The following PACRGL variants were observed in gnomAD, a reference collection of about 807,000 sequenced individuals.
The protein encoded by PACRGL is PACRG-like protein.
In PACRGL, 38 loss-of-function variants were observed where a neutral mutation model predicts 34.5. That is an observed-to-expected ratio of 1.10 (90% CI 0.85 to 1.44). The LOEUF (loss-of-function observed/expected upper bound fraction) is 1.44. PACRGL is among the 40% of genes most tolerant of loss of function. The pLI is 0.00. For missense variants in PACRGL, 305 were observed against 281.4 expected, an observed-to-expected ratio of 1.08 and a Z score of -0.60; for synonymous variants, 128 against 100.1, an observed-to-expected ratio of 1.28 and a Z score of -1.66.
At chr4:20,717,778 G>C (rs1275852523) in intron 7 of PACRGL, among the ~76,000 whole-genome samples, 1 of 152,148 alleles carries the variant, frequency 6.6e-6, no homozygotes, top group Non-Finnish European at 1.5e-5. Context: ...GATGCCTCCA[G>C]CTTTGTTCTT....
At chr4:20,734,756 A>T (rs1014206894), downstream of PACRGL, 1 of 1,390,842 alleles carries the variant, frequency 7.2e-7, no homozygotes. Context: ...ATAAAAATTC[A>T]ATTTTATATG....
intron 8 of PACRGL, among the ~76,000 whole-genome samples, chr4:20,748,535 C>A (rs1752856419): frequency 7.1e-6 from 1 of 141,558 alleles, no homozygotes; most frequent in Admixed American, 7.3e-5. Context: ...TCCTCACTTC[C>A]AAAAATAAAT....
chr4:20,760,981 C>A, the PACRGL span, among the ~76,000 whole-genome samples: 3 of 152,262 alleles, frequency 2.0e-5, no homozygotes, highest in African/African-American at 7.2e-5. Flanking sequence ...TACATTGATG[C>A]AAAATTGCGG....
In PACRGL at chr4:20,731,241, A is replaced by T; in HGVS notation, c.*3900A>T. 3 of 285,636 alleles carry T rather than the reference A, an allele frequency of 1.1e-5. No homozygotes were observed. The highest frequency in any genetic ancestry group is 1.6e-5 in the Non-Finnish European group (3 of 190,800). 17.7% of individuals were successfully genotyped at this position (285,636 alleles called of 1,614,324 possible). On this transcript the variant is annotated 3_prime_UTR_variant, in exon 9 of 9. Coordinates refer to ENST00000503585, the MANE Select transcript of PACRGL (RefSeq NM_001258345.3). ...CGTGCCACCGTGCCCAGCTAACTTA[A>T]TTTTTTTTTGTAGAGATAGATAGGG...
chr4:20,747,551 A>G (rs1445785880), intron 8 of PACRGL, among the ~76,000 whole-genome samples: 1 of 151,906 alleles, frequency 6.6e-6, no homozygotes, highest in Non-Finnish European at 1.5e-5. Context: ...TCCCCCAACC[A>G]TCTCCTCTCC....
chr4:20,738,117 A>C (rs896739466), intron 8 of PACRGL, among the ~76,000 whole-genome samples: 25 of 151,636 alleles, frequency 1.6e-4, no homozygotes, highest in African/African-American at 5.1e-4. Flanking sequence ...ATGACAGACC[A>C]AGACTCTGTC....
downstream of PACRGL, among the ~76,000 whole-genome samples, chr4:20,756,345 C>T (rs865836028): frequency 1.3e-5 from 2 of 152,120 alleles, no homozygotes; most frequent in African/African-American, 4.8e-5. Flanking sequence ...TTCATGGACT[C>T]CACTATCCCA....
intron 8 of PACRGL, among the ~76,000 whole-genome samples, chr4:20,751,702 A>C (rs1753671696): frequency 6.6e-6 from 1 of 152,196 alleles, no homozygotes; most frequent in Non-Finnish European, 1.5e-5. Flanking sequence ...ATCAAAAAGA[A>C]AAAAGATAAC....
At chr4:20,722,940 A>G (rs112251681) in intron 7 of PACRGL, among the ~76,000 whole-genome samples, 7 of 152,132 alleles carry the variant, frequency 4.6e-5, no homozygotes, top group African/African-American at 1.4e-4. Context: ...TTTTTCTTGG[A>G]TACATCCATA....
chr4:20,734,741 A>G (rs765053167), downstream of PACRGL: 5 of 1,501,374 alleles, frequency 3.3e-6, no homozygotes, highest in South Asian at 2.4e-5. Context: ...AAATCCTGAA[A>G]AGAAATAAAA....
At chr4:20,761,741 AACTG>A in the PACRGL span, among the ~76,000 whole-genome samples, 9 of 152,326 alleles carry the variant, frequency 5.9e-5, no homozygotes, top group South Asian at 4.1e-4. Flanking sequence ...TGAATTTGTA[AACTG>A]ACTATCTGAT....
At chr4:20,722,528 G>A (rs377717865) in intron 7 of PACRGL, among the ~76,000 whole-genome samples, 2 of 152,352 alleles carry the variant, frequency 1.3e-5, no homozygotes, top group South Asian at 4.1e-4. Context: ...CGTGCATGGA[G>A]TATTGCCAAC....
At chr4:20,709,615 G>A (rs1348711215) in intron 4 of PACRGL, 68 bp from the exon 5 acceptor site, 1 of 1,020,626 alleles carries the variant, frequency 9.8e-7, no homozygotes, top group Non-Finnish European at 1.5e-6. Context: ...TATACTGTAT[G>A]TTAGATTATC....
rs184721272 is a variant in PACRGL at position 20,722,266 on chromosome 4, C to T, written c.610-2542C>T. ...GGAAAGGGAATTCCCTGATCCCTTG[C>T]GCTTCCCGGGTGAGGCGATGCCTCG... On this transcript the variant is annotated intron_variant, in intron 7 of 8. Coordinates refer to ENST00000503585, the MANE Select transcript of PACRGL (RefSeq NM_001258345.3). Among the ~76,000 whole-genome samples the T allele has an allele frequency of 3.2e-3, 481 of 152,360 alleles. 2 individuals are homozygous for T. The highest frequency in any genetic ancestry group is 0.011 in the African/African-American group (454 of 41,592).
chr4:20,730,170 T>A lies in PACRGL; in HGVS notation c.*2829T>A, dbSNP rs1747641554. On this transcript the variant is annotated 3_prime_UTR_variant, in exon 9 of 9. Transcript: ENST00000503585. ...ACAGAGCGATTAAATTCAGCATATCTGCAAGGAAAAGTACACTATTTTGCC... is the reference window on the plus strand; with the variant it reads ...ACAGAGCGATTAAATTCAGCATATCAGCAAGGAAAAGTACACTATTTTGCC... 6.3e-7 allele frequency: 1 copy of A among 1,582,232 alleles called. No individual in the cohort carries two copies. Among genetic ancestry groups the A allele is most frequent in the African/African-American group, 1.4e-5 (1 of 73,940 alleles).
upstream of PACRGL, among the ~76,000 whole-genome samples, chr4:20,697,600 A>G (rs1731295854): frequency 6.6e-6 from 1 of 152,226 alleles, no homozygotes; most frequent in African/African-American, 2.4e-5. Context: ...TTTTGTGCCT[A>G]GAACTGAAGT....
chr4:20,700,459 T>G lies in PACRGL; in HGVS notation c.-345T>G, dbSNP rs1305647206. On this transcript the variant is annotated 5_prime_UTR_variant, in exon 1 of 9. Transcript: ENST00000503585. ...CAGGGGCGGGCCGCGCGGAGCCTCA[T>G]TTCCCCAAACGCAGGCGCTCGGTGG... 6.6e-6 allele frequency: 1 copy of G among 152,138 alleles called. No individual in the cohort carries two copies. The highest frequency in any genetic ancestry group is 1.5e-5 in the Non-Finnish European group (1 of 68,068). The allele number at this position is 152,138 out of a possible 1,614,324, so 9.4% of individuals were successfully genotyped here. A position where few individuals can be genotyped will look rare whatever the true frequency, so the allele number is the denominator to read the frequency against.
rs192707982 is a variant in PACRGL at position 20,752,360 on chromosome 4, T to C, written c.*57-205T>C. 2.3e-3 allele frequency among the ~76,000 whole-genome samples: 355 copies of C among 152,212 alleles called. 8 individuals are homozygous for C. The South Asian group carries it at 0.046, about 20-fold the overall frequency. On this transcript the variant is annotated intron_variant, in intron 8 of 8. Transcript: ENST00000507634. Reference sequence around the variant, plus strand: ...AGGTGTGAGCCACCATGCCCAGCCTTCATAGAGATCTTACTAAGTTTAAAT... The same window carrying C: ...AGGTGTGAGCCACCATGCCCAGCCTCCATAGAGATCTTACTAAGTTTAAAT...
At chr4:20,745,531 A>C (rs1181693456) in intron 8 of PACRGL, among the ~76,000 whole-genome samples, 2 of 152,206 alleles carry the variant, frequency 1.3e-5, no homozygotes, top group African/African-American at 4.8e-5. Flanking sequence ...AAACTTAACA[A>C]CAACTCTCAA....
Sources: gnomAD v4.1 joint callset for allele counts (sites outside exome capture counted in the v4.1 genomes callset) on GRCh38, gnomAD v4.1.1 for gene constraint, MANE v1.5 for transcripts, NCBI Gene and HGNC (gene_info 2026-07-23, HGNC 2026-07-21) for gene names.